Variants in CACNA1D observed in about 807,000 individuals in gnomAD.
CACNA1D encodes calcium voltage-gated channel subunit alpha1 D, also known as voltage-dependent L-type calcium channel subunit alpha-1D.
In CACNA1D, 55 loss-of-function variants were observed where a neutral mutation model predicts 257.1. The ratio of observed to expected loss-of-function variants is 0.21; its 90% CI spans 0.17 to 0.27. The LOEUF (loss-of-function observed/expected upper bound fraction) is 0.27, where lower values mean the gene tolerates loss of function less well. Among genes scored for constraint, CACNA1D ranks in the 10% least tolerant of loss-of-function variants. CACNA1D has a pLI of 1.00. For missense variants in CACNA1D, 1,876 were observed against 2,784.0 expected, an observed-to-expected ratio of 0.67 and a Z score of 7.34; for synonymous variants, 980 against 1,014.9, an observed-to-expected ratio of 0.97 and a Z score of 0.65.
At chr3:53,711,450 C>T (rs2094754338) in intron 9 of CACNA1D, among the ~76,000 whole-genome samples, 1 of 152,232 alleles carries the variant, frequency 6.6e-6, no homozygotes, top group Admixed American at 6.5e-5. Context: ...CAGCTGGCTC[C>T]CTGCCTTGCT....
rs552493957 is a variant in CACNA1D at position 53,746,843 on chromosome 3, C to T, written c.3168-459C>T. Among the ~76,000 whole-genome samples, 49 of 152,202 alleles carry T rather than the reference C, an allele frequency of 3.2e-4. No homozygotes were observed. In the South Asian group the frequency reaches 9.5e-3, roughly 30 times the overall value. On this transcript the variant is annotated intron_variant, in intron 25 of 47. Transcript: ENST00000350061. ...TTTGCCAGAAATAATGCAATTCTTT[C>T]GGAAAGAAAATTGGGAATGTCATTA...
intron 39 of CACNA1D, among the ~76,000 whole-genome samples, chr3:53,784,023 T>A (rs2095439926): frequency 1.3e-5 from 2 of 152,286 alleles, no homozygotes; most frequent in South Asian, 4.1e-4. Context: ...CTTGGGTGGC[T>A]TCGCTAGTGT....
intron 14 of CACNA1D, 112 bp downstream of exon 14, chr3:53,724,111 C>G: frequency 1.2e-6 from 1 of 859,754 alleles, no homozygotes; most frequent in South Asian, 1.4e-5. Context: ...TTTTGTTCAT[C>G]TCTGCCCTAA....
chr3:53,735,293 T>G, intron 19 of CACNA1D, 81 bp from the exon 20 acceptor site: 1 of 1,322,540 alleles, frequency 7.6e-7, no homozygotes, highest in Non-Finnish European at 1.1e-6. Context: ...GGCCTCTTGC[T>G]GCAGTGGCCC....
At chr3:53,739,620 T>TA (rs935196193) in intron 20 of CACNA1D, among the ~76,000 whole-genome samples, 16 of 152,078 alleles carry the variant, frequency 1.1e-4, no homozygotes, top group Admixed American at 5.2e-4. Flanking sequence ...CAAGGTTTTT[T>TA]AAAAAAAACC....
chr3:53,581,971 T>C (rs1356839535), intron 3 of CACNA1D, among the ~76,000 whole-genome samples: 1 of 152,202 alleles, frequency 6.6e-6, no homozygotes, highest in African/African-American at 2.4e-5. Flanking sequence ...CACAAAGTTA[T>C]GCTGATTTCT....
At chr3:53,539,142 C>T (rs2092224435) in intron 3 of CACNA1D, among the ~76,000 whole-genome samples, 1 of 151,946 alleles carries the variant, frequency 6.6e-6, no homozygotes, top group South Asian at 2.1e-4. Context: ...CAGAGTCCTG[C>T]TCTGTCGCCC....
Position 53,650,837 on chromosome 3 carries a change from T to C in CACNA1D, c.542T>C (p.Ile181Thr). 3 of 1,611,572 alleles carry C rather than the reference T, an allele frequency of 1.9e-6. No homozygotes were observed. The highest frequency in any genetic ancestry group is 2.5e-6 in the Non-Finnish European group (3 of 1,177,638). ...IFTVETFLKI[I>T]AYGLLLHPNA... Reference sequence around the variant, plus strand: ...ACAGTCGAGACATTTTTGAAGATTATAGCGTATGGATTATTGCTACATCCT... The same window carrying C: ...ACAGTCGAGACATTTTTGAAGATTACAGCGTATGGATTATTGCTACATCCT... The change falls in exon 4 of 48, where the codon ATA becomes ACA. Residue 181 changes from isoleucine to threonine, a missense_variant. Around this residue, in one of 10 missense-constraint regions of CACNA1D, gnomAD observed 188 missense variants for 390.4 expected, o/e 0.48. Transcript: ENST00000350061.
At chr3:53,797,381 C>A (rs937501493) in intron 40 of CACNA1D, among the ~76,000 whole-genome samples, 1 of 152,152 alleles carries the variant, frequency 6.6e-6, no homozygotes, top group Non-Finnish European at 1.5e-5. Flanking sequence ...TAGAGTCAGT[C>A]CCTGACTCTT....
chr3:53,674,599 T>G (rs995067999), intron 8 of CACNA1D, among the ~76,000 whole-genome samples: 1 of 152,230 alleles, frequency 6.6e-6, no homozygotes, highest in Non-Finnish European at 1.5e-5. Flanking sequence ...TGTTGCAGGC[T>G]CTGCCTTGCC....
intron 8 of CACNA1D, among the ~76,000 whole-genome samples, chr3:53,701,136 G>A (rs893592573): frequency 7.4e-5 from 11 of 149,024 alleles, no homozygotes; most frequent in African/African-American, 2.2e-4. Flanking sequence ...TGTTGTTGTT[G>A]TTATTATTAT....
rs1043803293 is a variant in CACNA1D at position 53,793,282 on chromosome 3, T to G, written c.4923+6330T>G. ...TTGGGCAGCACCTGGGTATATTAAG[T>G]TATAAGAATTTATGAAGAATGTGAT... On this transcript the variant is annotated intron_variant, in intron 40 of 47. Coordinates refer to ENST00000350061, the MANE Select transcript of CACNA1D (RefSeq NM_001128840.3). The surrounding 1 kb of genome is among the most constrained non-coding windows in gnomAD (Gnocchi z 4.1). 3.3e-5 allele frequency among the ~76,000 whole-genome samples: 5 copies of G among 152,158 alleles called. No individual in the cohort carries two copies. The highest frequency in any genetic ancestry group is 4.4e-5 in the Non-Finnish European group (3 of 68,032).
rs2094940956 is a variant in CACNA1D, at chr3:53,726,921, A to G, written c.2143A>G (p.Ile715Val). The G allele has an allele frequency of 6.2e-7, 1 of 1,614,114 alleles. No individual in the cohort carries two copies. Among genetic ancestry groups the G allele is most frequent in the Non-Finnish European group, 8.5e-7 (1 of 1,180,050 alleles). The change falls in exon 15 of 48, where the codon ATC becomes GTC. Residue 715 changes from isoleucine (I) to valine (V), a missense_variant. Ile to Val is a conservative substitution (Grantham distance 29). Around this residue, in one of 10 missense-constraint regions of CACNA1D, gnomAD observed 257 missense variants for 399.7 expected, o/e 0.64. Coordinates refer to ENST00000350061, the MANE Select transcript of CACNA1D (RefSeq NM_001128840.3). ...EDWNAVMYDGIMAYGGPSSSG... is the reference protein window; with the variant it reads ...EDWNAVMYDGVMAYGGPSSSG... Reference sequence around the variant, plus strand: ...CTGGAATGCTGTGATGTACGATGGCATCATGGCTTACGGGGGCCCATCCTC... The same window carrying G: ...CTGGAATGCTGTGATGTACGATGGCGTCATGGCTTACGGGGGCCCATCCTC...
At chr3:53,699,191 G>T (rs199578655) in intron 8 of CACNA1D, among the ~76,000 whole-genome samples, 1 of 152,254 alleles carries the variant, frequency 6.6e-6, no homozygotes, top group East Asian at 1.9e-4. Flanking sequence ...AGCTCATTGC[G>T]ATCACTCTGA....
intron 9 of CACNA1D, among the ~76,000 whole-genome samples, chr3:53,707,264 A>G (rs2094700225): frequency 6.6e-6 from 1 of 151,996 alleles, no homozygotes; most frequent in Non-Finnish European, 1.5e-5. Context: ...TCCACCCTCT[A>G]AGACTCTTGA....
At chr3:53,685,295 C>G (rs2094464799) in intron 8 of CACNA1D, among the ~76,000 whole-genome samples, 2 of 152,124 alleles carry the variant, frequency 1.3e-5, no homozygotes, top group South Asian at 4.1e-4. Context: ...TGTGTTGGCA[C>G]CTAAATACAG....
At position 53,786,920 on chromosome 3, in the gene CACNA1D, T is replaced by C. The variant is rs1265988787; in HGVS notation, c.4891T>C (p.Tyr1631His). 6.2e-7 allele frequency: 1 copy of C among 1,614,118 alleles called. No homozygotes were observed. Among genetic ancestry groups the C allele is most frequent in the East Asian group, 2.2e-5 (1 of 44,884 alleles). The change falls in exon 40 of 48, where the codon TAC becomes CAC. Residue 1631 changes from tyrosine to histidine, a missense_variant. Coordinates refer to ENST00000350061, the MANE Select transcript of CACNA1D (RefSeq NM_001128840.3). Reference protein sequence around the residue: ...KRKEQGLVGKYPAKNTTIALQ... With the variant: ...KRKEQGLVGKHPAKNTTIALQ... The stretch of plus-strand genomic sequence containing the variant: ...GAAAGAACAAGGACTGGTGGGAAAG[T>C]ACCCTGCGAAGAACACCACAATTGC...
intron 3 of CACNA1D, among the ~76,000 whole-genome samples, chr3:53,571,233 G>A (rs980234828): frequency 1.3e-5 from 2 of 151,690 alleles, no homozygotes; most frequent in African/African-American, 4.9e-5. Flanking sequence ...AGTTGATGAG[G>A]GCAAGCTTTG....
intron 8 of CACNA1D, among the ~76,000 whole-genome samples, chr3:53,688,380 A>G (rs183717583): frequency 2.0e-5 from 3 of 152,342 alleles, no homozygotes; most frequent in Admixed American, 6.5e-5. Flanking sequence ...TTACAGAGGC[A>G]TGACTTCTTT....
Sources: allele counts gnomAD v4.1 joint callset (sites outside exome capture counted in the v4.1 genomes callset), GRCh38; gene constraint gnomAD v4.1.1; regional missense constraint gnomAD v4.1.1; non-coding constraint Gnocchi (gnomAD v3.1); transcripts MANE v1.5; gene names NCBI Gene and HGNC (gene_info 2026-07-23, HGNC 2026-07-21).